The following PPP2R2B variants were observed in gnomAD, a reference collection of about 807,000 sequenced individuals.
The protein encoded by PPP2R2B is protein phosphatase 2 regulatory subunit Bbeta, also known as serine/threonine-protein phosphatase 2A 55 kDa regulatory subunit B beta isoform.
PPP2R2B carries 5 observed loss-of-function variants against 46.0 expected under a neutral mutation model. That is an observed-to-expected ratio of 0.11 (90% CI 0.06 to 0.23). PPP2R2B has a LOEUF of 0.23. Ranked by LOEUF, PPP2R2B falls within the 10% of genes least tolerant of loss-of-function variation. The pLI is 1.00. For synonymous variants in PPP2R2B, 215 were observed against 206.7 expected (o/e 1.04, Z -0.34); for missense variants, 367 against 575.0 (o/e 0.64, Z 3.70).
At chr5:146,979,056 TTC>T (rs1753042875) in intron 1 of PPP2R2B, among the ~76,000 whole-genome samples, 1 of 152,188 alleles carries the variant, frequency 6.6e-6, no homozygotes, top group South Asian at 2.1e-4. Flanking sequence ...ATGGCTTCGT[TTC>T]TCTCTTTTCC....
At chr5:147,052,111 G>A (rs144795367) in intron 1 of PPP2R2B, among the ~76,000 whole-genome samples, 94 of 152,012 alleles carry the variant, frequency 6.2e-4, no homozygotes, top group African/African-American at 2.2e-3. Flanking sequence ...CTATTTGGTT[G>A]CCCTGGCTTC....
chr5:146,798,659 A>T (rs1189040410), intron 2 of PPP2R2B, among the ~76,000 whole-genome samples: 1 of 152,238 alleles, frequency 6.6e-6, no homozygotes, highest in African/African-American at 2.4e-5. Flanking sequence ...AATTATCAAC[A>T]GTAGCAACTA....
chr5:146,965,454 C>T (rs1372252999), intron 1 of PPP2R2B, among the ~76,000 whole-genome samples: 1 of 152,072 alleles, frequency 6.6e-6, no homozygotes, highest in Non-Finnish European at 1.5e-5. Flanking sequence ...GGACCTCAGG[C>T]AAGCAACTTT....
chr5:146,635,015 G>A (rs965816956), intron 7 of PPP2R2B, among the ~76,000 whole-genome samples: 7 of 152,166 alleles, frequency 4.6e-5, no homozygotes, highest in African/African-American at 1.4e-4. Flanking sequence ...AGAACCGGAG[G>A]AATCCAGGGT....
At chr5:146,637,577 A>G (rs1774905044) in intron 7 of PPP2R2B, among the ~76,000 whole-genome samples, 1 of 152,154 alleles carries the variant, frequency 6.6e-6, no homozygotes, top group African/African-American at 2.4e-5. Flanking sequence ...TTTCCCTAAC[A>G]ACTAATTCTG....
In PPP2R2B at chr5:146,798,812, C is replaced by T. The variant is rs78281416; in HGVS notation, c.70+79190G>A. 0.012 allele frequency among the ~76,000 whole-genome samples: 1,877 copies of T among 152,208 alleles called. 115 individuals carry two copies. The East Asian group carries it at 0.14, about 12-fold the overall frequency. On this transcript the variant is annotated intron_variant, in intron 2 of 9. Coordinates refer to ENST00000394411, the MANE Select transcript of PPP2R2B (RefSeq NM_181675.4). The stretch of plus-strand genomic sequence containing the variant: ...TGTAGCTTCAGGAATTAACTTTCTC[C>T]AGGGTATACAGCTAACAAATAGTAG...
intron 2 of PPP2R2B, among the ~76,000 whole-genome samples, chr5:146,726,494 A>G (rs900229023): frequency 6.6e-6 from 1 of 152,218 alleles, no homozygotes; most frequent in African/African-American, 2.4e-5. Flanking sequence ...TGAACAACCC[A>G]TTAGGCACAC....
chr5:146,764,461 G>C (rs1166067200), intron 2 of PPP2R2B, among the ~76,000 whole-genome samples: 1 of 152,082 alleles, frequency 6.6e-6, no homozygotes, highest in Non-Finnish European at 1.5e-5. Context: ...CTTCTGGATG[G>C]CTCAAGTCAG....
At chr5:146,802,110 G>C (rs1429021068) in intron 2 of PPP2R2B, among the ~76,000 whole-genome samples, 1 of 152,162 alleles carries the variant, frequency 6.6e-6, no homozygotes, top group Non-Finnish European at 1.5e-5. Flanking sequence ...AACACCCAAT[G>C]GTTCTTGGAG....
At chr5:147,053,308 A>C (rs555773353) in intron 1 of PPP2R2B, among the ~76,000 whole-genome samples, 1 of 152,166 alleles carries the variant, frequency 6.6e-6, no homozygotes, top group Admixed American at 6.6e-5. Context: ...AGACAAGCCA[A>C]GTTTTCTAAT....
chr5:147,011,612 A>T (rs1234021328), intron 1 of PPP2R2B, among the ~76,000 whole-genome samples: 1 of 151,054 alleles, frequency 6.6e-6, no homozygotes, highest in East Asian at 2.0e-4. Context: ...TTCCAACACT[A>T]TGTTGAATAG....
At chr5:146,592,348 C>A (rs2151001707) in intron 9 of PPP2R2B, among the ~76,000 whole-genome samples, 1 of 152,328 alleles carries the variant, frequency 6.6e-6, no homozygotes, top group African/African-American at 2.4e-5. Flanking sequence ...ATTATTGGTG[C>A]CACCTTCATC....
chr5:146,587,204 G>T lies in PPP2R2B; in HGVS notation c.*2743C>A, dbSNP rs908279209. On this transcript the variant is annotated 3_prime_UTR_variant, in exon 10 of 10. Coordinates refer to ENST00000394411, the MANE Select transcript of PPP2R2B (RefSeq NM_181675.4). ...AAGAAATATTGCCAGTACTGGGGCT[G>T]AAAGATCACACATGTAAAATACCTA... 2.0e-5 allele frequency: 3 copies of T among 152,226 alleles called. No individual in the cohort carries two copies. Among genetic ancestry groups the T allele is most frequent in the Admixed American group, 2.0e-4 (3 of 15,280 alleles). The allele number at this position is 152,226 out of a possible 1,614,324, so 9.4% of individuals were successfully genotyped here. A position where few individuals can be genotyped will look rare whatever the true frequency, so the allele number is the denominator to read the frequency against.
intron 5 of PPP2R2B, among the ~76,000 whole-genome samples, chr5:146,658,435 AG>A (rs905942837): frequency 1.1e-4 from 16 of 152,168 alleles, no homozygotes; most frequent in Non-Finnish European, 1.8e-4. Context: ...AGGAAGAGGG[AG>A]TAAGTTGTCA....
chr5:147,035,320 C>G (rs1035334087), intron 1 of PPP2R2B: 1 of 324,230 alleles, frequency 3.1e-6, no homozygotes, highest in African/African-American at 2.3e-5. Context: ...CTCATGAGAA[C>G]TCTATCACGA....
At chr5:146,937,307 A>G (rs899082838) in intron 1 of PPP2R2B, among the ~76,000 whole-genome samples, 13 of 151,910 alleles carry the variant, frequency 8.6e-5, no homozygotes, top group Non-Finnish European at 1.9e-4. Flanking sequence ...TCTCAGAAAA[A>G]AAAAAAAAGG....
intron 2 of PPP2R2B, among the ~76,000 whole-genome samples, chr5:146,708,733 G>A (rs186418357): frequency 2.0e-5 from 3 of 152,100 alleles, no homozygotes; most frequent in Non-Finnish European, 4.4e-5. Context: ...CAGAGTCAAA[G>A]ATTTTTTTTA....
chr5:147,056,642 C>T (rs947693198), upstream of PPP2R2B, among the ~76,000 whole-genome samples: 1 of 151,932 alleles, frequency 6.6e-6, no homozygotes, highest in Non-Finnish European at 1.5e-5. Flanking sequence ...ACAACTTTAC[C>T]AAAACTCTCA....
At chr5:146,713,735 A>G (rs1780332103) in intron 2 of PPP2R2B, among the ~76,000 whole-genome samples, 2 of 152,340 alleles carry the variant, frequency 1.3e-5, no homozygotes, top group Admixed American at 6.5e-5. Context: ...AAAAAATACA[A>G]GAATCAAGGA....
Sources: gnomAD v4.1 joint callset for allele counts (sites outside exome capture counted in the v4.1 genomes callset) on GRCh38, gnomAD v4.1.1 for gene constraint, MANE v1.5 for transcripts, NCBI Gene and HGNC (gene_info 2026-07-23, HGNC 2026-07-21) for gene names.